The following ANKRD30B variants were observed in gnomAD, a reference collection of about 807,000 sequenced individuals.
ANKRD30B encodes ankyrin repeat domain-containing protein 30B.
Under a neutral mutation model 202.2 loss-of-function variants are expected in ANKRD30B, and 144 were observed. The ratio of observed to expected loss-of-function variants is 0.71; its 90% CI spans 0.62 to 0.82. ANKRD30B has a LOEUF of 0.82. Ranked by LOEUF, ANKRD30B falls within the 40% of genes least tolerant of loss-of-function variation. ANKRD30B has a pLI of 0.00. For missense variants in ANKRD30B, 1,487 were observed against 1,669.1 expected, an observed-to-expected ratio of 0.89 and a Z score of 1.90; for synonymous variants, 508 against 561.3, an observed-to-expected ratio of 0.91 and a Z score of 1.34.
At chr18:14,850,713 A>C (rs1425996750) in intron 41 of ANKRD30B, among the ~76,000 whole-genome samples, 1 of 151,868 alleles carries the variant, frequency 6.6e-6, no homozygotes, top group East Asian at 1.9e-4. Flanking sequence ...CATTATCAAG[A>C]GGAAGCAAAA....
In ANKRD30B at chr18:14,828,406, C is replaced by T. The variant is rs182674333; in HGVS notation, c.2774+98C>T. ...GAGTATTCTACTCTGGGCTAGACAA[C>T]GTATTATGTGCTTAATATTTATCAT... is the stretch of plus-strand genomic sequence containing the variant. On this transcript the variant is annotated intron_variant, in intron 33 of 43. Coordinates refer to ENST00000690538, the MANE Select transcript of ANKRD30B (RefSeq NM_001367607.2). The T allele has an allele frequency of 1.2e-3, 1,058 of 873,204 alleles. 5 individuals carry two copies. Among genetic ancestry groups the T allele is most frequent in the South Asian group, 0.01 (548 of 53,570 alleles). The allele number at this position is 873,204 out of a possible 1,614,324, so 54.1% of individuals were successfully genotyped here.
Position 14,779,401 on chromosome 18 carries a change from C to T in ANKRD30B, c.1421-559C>T, listed in dbSNP as rs149926980. ...AGCAGCTTTTAATTTATATGCAGTA[C>T]AAGTTCTTTAAGCTTATTTATTTAA... On this transcript the variant is annotated intron_variant, in intron 10 of 43. Transcript: ENST00000690538. 1.0e-3 allele frequency among the ~76,000 whole-genome samples: 156 copies of T among 152,306 alleles called. 3 individuals are homozygous for T. In the East Asian group the frequency reaches 0.019, roughly 19 times the overall value.
downstream of ANKRD30B, among the ~76,000 whole-genome samples, chr18:14,855,673 G>A (rs543735467): frequency 1.1e-3 from 156 of 148,144 alleles, 1 homozygote; most frequent in South Asian, 6.6e-3. Flanking sequence ...GACGATGGGC[G>A]GCCGGGCAGA....
chr18:14,757,944 A>G lies in ANKRD30B; in HGVS notation c.747A>G (p.Gly249=). The G allele has an allele frequency of 6.3e-7, 1 of 1,591,080 alleles. No homozygotes were observed. Among genetic ancestry groups the G allele is most frequent in the Non-Finnish European group, 8.6e-7 (1 of 1,167,728 alleles). The change falls in exon 5 of 44, where the codon GGA becomes GGG. Residue 249 remains glycine, a synonymous_variant. Transcript: ENST00000690538. Reference sequence around the variant, plus strand: ...CAGAACGTTATGCTGCTGCTTGTGGAGTTAATTAGTAAGTGTTTACATTTA... The same window carrying G: ...CAGAACGTTATGCTGCTGCTTGTGGGGTTAATTAGTAAGTGTTTACATTTA... ...ITAERYAAAC[G]VNYIHQQLLE...
the ANKRD30B span, among the ~76,000 whole-genome samples, chr18:14,874,945 G>A: frequency 6.6e-6 from 1 of 152,218 alleles, no homozygotes; most frequent in African/African-American, 2.4e-5. Flanking sequence ...AGAGGTCAAG[G>A]CCGCTGATGC....
At chr18:14,850,726 T>C (rs1971846063) in intron 41 of ANKRD30B, among the ~76,000 whole-genome samples, 1 of 151,836 alleles carries the variant, frequency 6.6e-6, no homozygotes, top group Admixed American at 6.6e-5. Flanking sequence ...AAGCAAAAGT[T>C]AGTGTCGTAG....
At chr18:14,824,373 A>AGAT (rs1970579943) in intron 32 of ANKRD30B, among the ~76,000 whole-genome samples, 1 of 152,184 alleles carries the variant, frequency 6.6e-6, no homozygotes. Context: ...GTGTTTTTGG[A>AGAT]GATGGAGTTT....
At chr18:14,922,887 G>A in the ANKRD30B span, among the ~76,000 whole-genome samples, 1 of 152,118 alleles carries the variant, frequency 6.6e-6, no homozygotes, top group Non-Finnish European at 1.5e-5. Flanking sequence ...CAAGGGTAGA[G>A]GAAAGAGGAA....
downstream of ANKRD30B, among the ~76,000 whole-genome samples, chr18:14,855,711 G>T (rs528606067): frequency 6.7e-6 from 1 of 148,744 alleles, no homozygotes; most frequent in African/African-American, 2.5e-5. Context: ...AGACGGGGCG[G>T]CTGGGCAGAG....
In ANKRD30B at chr18:14,779,941, C is replaced by A; in HGVS notation, c.1421-19C>A. On this transcript the variant is annotated intron_variant, in intron 10 of 43. Coordinates refer to ENST00000690538, the MANE Select transcript of ANKRD30B (RefSeq NM_001367607.2). Reference sequence around the variant, plus strand: ...ATAAGGAATGCTCTCATGAATGTATCTGTGATTAACATTTTTAGATCAGAT... The same window carrying A: ...ATAAGGAATGCTCTCATGAATGTATATGTGATTAACATTTTTAGATCAGAT... The A allele has an allele frequency of 7.3e-7, 1 of 1,370,798 alleles. No homozygotes were observed. The highest frequency in any genetic ancestry group is 1.4e-5 in the South Asian group (1 of 73,922). 84.9% of individuals were successfully genotyped at this position (1,370,798 alleles called of 1,614,324 possible).
At chr18:14,869,021 G>C in the ANKRD30B span, among the ~76,000 whole-genome samples, 1 of 152,226 alleles carries the variant, frequency 6.6e-6, no homozygotes, top group Non-Finnish European at 1.5e-5. Context: ...AGGCACCCTA[G>C]TGGGGGAAAA....
At chr18:14,937,753 C>T in the ANKRD30B span, among the ~76,000 whole-genome samples, 7 of 152,274 alleles carry the variant, frequency 4.6e-5, no homozygotes, top group East Asian at 1.9e-4. Context: ...TTCGTTGCTT[C>T]GCCTTTCGTT....
chr18:14,863,260 G>A, the ANKRD30B span, among the ~76,000 whole-genome samples: 1 of 148,866 alleles, frequency 6.7e-6, no homozygotes, highest in Non-Finnish European at 1.5e-5. Flanking sequence ...TTGGTGGTGG[G>A]CCTAGTGGAA....
rs1967348493 is a variant in ANKRD30B at position 14,776,311 on chromosome 18, C to G, written c.1330-1674C>G. On this transcript the variant is annotated intron_variant, in intron 9 of 43. Coordinates refer to ENST00000690538, the MANE Select transcript of ANKRD30B (RefSeq NM_001367607.2). ...GGAAGAGAATAACAAATAAAAAACA[C>G]TTATAAGCCACTATAACTTTTTCTT... 2.0e-5 allele frequency among the ~76,000 whole-genome samples: 3 copies of G among 152,150 alleles called. No homozygotes were observed. The South Asian group carries it at 6.2e-4, about 32-fold the overall frequency.
chr18:14,894,744 A>T, the ANKRD30B span, among the ~76,000 whole-genome samples: 1 of 151,492 alleles, frequency 6.6e-6, no homozygotes, highest in Non-Finnish European at 1.5e-5. Flanking sequence ...CTTAACCATT[A>T]TATATTTATA....
At chr18:14,797,296 C>G (rs190301366) in intron 18 of ANKRD30B, among the ~76,000 whole-genome samples, 1 of 152,264 alleles carries the variant, frequency 6.6e-6, no homozygotes, top group African/African-American at 2.4e-5. Flanking sequence ...GGACAGGAAT[C>G]TTGGTGACGC....
chr18:14,897,341 C>T, the ANKRD30B span, among the ~76,000 whole-genome samples: 5 of 152,172 alleles, frequency 3.3e-5, no homozygotes, highest in South Asian at 2.1e-4. Context: ...CCACCACGCG[C>T]GCCTAATTTT....
chr18:14,845,866 C>A (rs1397826785), intron 39 of ANKRD30B, among the ~76,000 whole-genome samples: 1 of 152,102 alleles, frequency 6.6e-6, no homozygotes. Flanking sequence ...GGTAAAGAGG[C>A]TCTCTGGGGT....
chr18:14,866,786 C>T, the ANKRD30B span, among the ~76,000 whole-genome samples: 1 of 151,984 alleles, frequency 6.6e-6, no homozygotes, highest in South Asian at 2.1e-4. Flanking sequence ...GGCAGGTTCA[C>T]TGCGCTATCA....
Sources: gnomAD v4.1 joint callset for allele counts (sites outside exome capture counted in the v4.1 genomes callset) on GRCh38, gnomAD v4.1.1 for gene constraint, MANE v1.5 for transcripts, NCBI Gene and HGNC (gene_info 2026-07-23, HGNC 2026-07-21) for gene names.